Variants in TRHDE observed in about 807,000 individuals in gnomAD.
TRHDE encodes the protein thyrotropin releasing hormone degrading enzyme.
A neutral mutation model predicts 125.7 loss-of-function variants in TRHDE; 72 were observed. The ratio of observed to expected loss-of-function variants is 0.57; its 90% CI spans 0.47 to 0.70. The LOEUF (loss-of-function observed/expected upper bound fraction) is 0.70. TRHDE is among the 30% of genes least tolerant of loss of function. The pLI is 0.00. For missense variants in TRHDE, 1,110 were observed against 1,327.1 expected, an observed-to-expected ratio of 0.84 and a Z score of 2.54; for synonymous variants, 509 against 509.1, an observed-to-expected ratio of 1.00 and a Z score of 0.00.
intron 12 of TRHDE, among the ~76,000 whole-genome samples, chr12:72,594,466 C>A (rs1871837409): frequency 6.7e-6 from 1 of 149,712 alleles, no homozygotes; most frequent in Admixed American, 6.6e-5. Context: ...CATCCACCCG[C>A]CTTGGCCTCC....
Position 72,379,897 on chromosome 12 carries a change from C to A in TRHDE, c.1315+1776C>A, listed in dbSNP as rs74104870. 8.1e-3 allele frequency among the ~76,000 whole-genome samples: 1,231 copies of A among 152,186 alleles called. 22 individuals carry two copies. Among genetic ancestry groups the A allele is most frequent in the African/African-American group, 0.028 (1,157 of 41,512 alleles). On this transcript the variant is annotated intron_variant, in intron 3 of 18. Coordinates refer to ENST00000261180, the MANE Select transcript of TRHDE (RefSeq NM_013381.3). ...GCTTTGTAAAATTTCTCTTAAAGTT[C>A]TACTTATTTTATATATCTACAGATA...
chr12:72,308,182 C>T (rs1359128559), intron 2 of TRHDE, among the ~76,000 whole-genome samples: 3 of 151,912 alleles, frequency 2.0e-5, no homozygotes, highest in Admixed American at 6.6e-5. Context: ...CTGCATTTCT[C>T]GGTGGCTAAA....
At chr12:72,358,439 T>C (rs1870920060) in intron 2 of TRHDE, among the ~76,000 whole-genome samples, 2 of 151,678 alleles carry the variant, frequency 1.3e-5, no homozygotes, top group Admixed American at 1.3e-4. Flanking sequence ...CCTTGCTTTA[T>C]TGTAAGAATA....
At chr12:72,600,939 C>G (rs996599742) in intron 12 of TRHDE, among the ~76,000 whole-genome samples, 1 of 152,048 alleles carries the variant, frequency 6.6e-6, no homozygotes, top group African/African-American at 2.4e-5. Flanking sequence ...ACACAACATC[C>G]ATTCTACAAC....
chr12:72,101,319 A>G (rs1875062499), intron 1 of TRHDE, among the ~76,000 whole-genome samples: 1 of 152,230 alleles, frequency 6.6e-6, no homozygotes, highest in Admixed American at 6.5e-5. Flanking sequence ...TATTTCAATA[A>G]TAACTTAGTT....
chr12:72,512,332 G>T (rs149186942), intron 6 of TRHDE, among the ~76,000 whole-genome samples: 1 of 147,886 alleles, frequency 6.8e-6, no homozygotes, highest in Non-Finnish European at 1.5e-5. Context: ...TTCATCAGTA[G>T]TCATAATGAA....
intron 3 of TRHDE, among the ~76,000 whole-genome samples, chr12:72,398,844 C>T (rs1221380064): frequency 6.6e-6 from 1 of 152,152 alleles, no homozygotes; most frequent in Non-Finnish European, 1.5e-5. Flanking sequence ...AGATGCTTTA[C>T]GTTAATATAA....
At chr12:72,263,208 C>A (rs1265472219) in intron 2 of TRHDE, 1 of 151,900 alleles carries the variant, frequency 6.6e-6, no homozygotes, top group African/African-American at 2.4e-5. Context: ...TCCCCATTGC[C>A]CCCAAAACTG....
At chr12:72,286,523 G>A (rs1879893604) in intron 1 of TRHDE, among the ~76,000 whole-genome samples, 158 bp from the exon 2 acceptor site, 1 of 152,102 alleles carries the variant, frequency 6.6e-6, no homozygotes, top group Non-Finnish European at 1.5e-5. Flanking sequence ...TATTACATAT[G>A]GATTATGCTT....
rs1352298849 is a variant in TRHDE at position 72,618,958 on chromosome 12, C to A, written c.2389C>A (p.Leu797Ile). ...IRYLSEEKDF[L>I]PWHAASRALY... Reference sequence around the variant, plus strand: ...ATACCTGTCTGAGGAGAAGGATTTTCTTCCTTGGCATGCTGCCAGCCGAGC... The same window carrying A: ...ATACCTGTCTGAGGAGAAGGATTTTATTCCTTGGCATGCTGCCAGCCGAGC... Residue 797 changes from leucine (L) to isoleucine (I), a missense_variant, in exon 13 of 19, where the codon CTT (leucine) becomes ATT (isoleucine). This residue lies in a region of TRHDE where 527 missense variants were observed against 651.8 expected (regional missense o/e 0.81). Transcript: ENST00000261180. The A allele has an allele frequency of 1.9e-6, 3 of 1,599,404 alleles. No homozygotes were observed. The African/African-American group carries it at 4.1e-5, about 22-fold the overall frequency.
intron 2 of TRHDE, among the ~76,000 whole-genome samples, chr12:72,259,494 G>A (rs764363948): frequency 6.6e-6 from 1 of 152,108 alleles, no homozygotes; most frequent in Admixed American, 6.5e-5. Context: ...TCAAGACTGG[G>A]CATTAAACTT....
intron 6 of TRHDE, among the ~76,000 whole-genome samples, chr12:72,535,187 CTTA>C (rs1176199876): frequency 6.6e-6 from 1 of 151,802 alleles, no homozygotes; most frequent in South Asian, 2.1e-4. Flanking sequence ...AATAGGTGTT[CTTA>C]TTATTAAAGG....
intron 15 of TRHDE, among the ~76,000 whole-genome samples, chr12:72,629,630 T>C (rs79608209): frequency 0.03 from 4,517 of 151,766 alleles, 91 homozygotes; most frequent in Non-Finnish European, 0.042. Flanking sequence ...AACTGGAATT[T>C]TGTTGGCTGA....
chr12:72,619,121 C>A, intron 13 of TRHDE, 83 bp downstream of exon 13: 5 of 1,073,516 alleles, frequency 4.7e-6, no homozygotes, highest in Non-Finnish European at 6.2e-6. Context: ...GCAACTGATG[C>A]CAAGTTATTT....
At chr12:72,126,378 C>A (rs568758235) in intron 2 of TRHDE, among the ~76,000 whole-genome samples, 4 of 152,060 alleles carry the variant, frequency 2.6e-5, no homozygotes, top group Non-Finnish European at 4.4e-5. Flanking sequence ...CATATGGAAC[C>A]AAAAATGAGC....
At chr12:72,381,770 G>A (rs1368774511) in intron 3 of TRHDE, among the ~76,000 whole-genome samples, 3 of 152,172 alleles carry the variant, frequency 2.0e-5, no homozygotes, top group Non-Finnish European at 4.4e-5. Flanking sequence ...CAAGACTTTT[G>A]GCCTGAGAAC....
intron 5 of TRHDE, among the ~76,000 whole-genome samples, chr12:72,475,715 G>T (rs192419214): frequency 6.6e-6 from 1 of 152,230 alleles, no homozygotes; most frequent in African/African-American, 2.4e-5. Context: ...TAAAAACCTT[G>T]AGGTGAGTCA....
intron 12 of TRHDE, among the ~76,000 whole-genome samples, chr12:72,603,759 C>CAA (rs1168313539): frequency 6.9e-6 from 1 of 144,108 alleles, no homozygotes. Flanking sequence ...AAAACAACAA[C>CAA]AACAACAAAA....
intron 2 of TRHDE, among the ~76,000 whole-genome samples, chr12:72,198,520 A>G (rs1166965353): frequency 4.6e-5 from 7 of 152,142 alleles, no homozygotes; most frequent in Non-Finnish European, 8.8e-5. Flanking sequence ...TACACCATAT[A>G]CGGCCTGCTT....
Sources: gnomAD v4.1 joint callset for allele counts (sites outside exome capture counted in the v4.1 genomes callset) on GRCh38, gnomAD v4.1.1 for gene constraint, gnomAD v4.1.1 regional missense constraint, MANE v1.5 for transcripts, NCBI Gene and HGNC (gene_info 2026-07-23, HGNC 2026-07-21) for gene names.